The following KLHL15 variants were observed in gnomAD, a reference collection of about 807,000 sequenced individuals.
KLHL15 encodes the protein kelch-like protein 15.
Under a neutral mutation model 29.3 loss-of-function variants are expected in KLHL15, and 1 was observed. The ratio of observed to expected loss-of-function variants is 0.03; its 90% confidence interval spans 0.01 to 0.16. The LOEUF (loss-of-function observed/expected upper bound fraction) is 0.16. KLHL15 is among the 10% of genes least tolerant of loss of function. The probability of loss-of-function intolerance (pLI) is 1.00; values close to 1 mark genes in which losing one functional copy is unlikely to be tolerated. For missense variants in KLHL15, 215 were observed against 478.5 expected (o/e 0.45, Z 5.14); for synonymous variants, 212 against 184.5 (o/e 1.15, Z -1.21).
In KLHL15 at chrX:24,027,173, G is replaced by A. The variant is rs1237221012; in HGVS notation, c.-243C>T. The A allele has an allele frequency of 1.8e-5, 2 of 111,841 alleles. No individual in the cohort carries two copies. Among genetic ancestry groups the A allele is most frequent in the African/African-American group, 6.5e-5 (2 of 30,728 alleles). The allele number at this position is 111,841 out of a possible 1,213,427, so 9.2% of individuals were successfully genotyped here. On this transcript the variant is annotated 5_prime_UTR_variant, in exon 1 of 4. Transcript: ENST00000328046. ...AGAGAGGCTTCTGTTCTTGATTCAAGCAAGAGTTGAAACGTTTCTGCGCTC... is the reference window on the plus strand; with the variant it reads ...AGAGAGGCTTCTGTTCTTGATTCAAACAAGAGTTGAAACGTTTCTGCGCTC...
chrX:23,999,211 G>A (rs1006377244), intron 3 of KLHL15, among the ~76,000 whole-genome samples: 3 of 110,348 alleles, frequency 2.7e-5, no homozygotes, highest in Admixed American at 9.7e-5. Context: ...GCTTGGCCAC[G>A]GTTTTCTCCT....
At chrX:24,021,745 TCTGC>T (rs1929809160) in intron 2 of KLHL15, among the ~76,000 whole-genome samples, 1 of 110,641 alleles carries the variant, frequency 9.0e-6, no homozygotes, top group Non-Finnish European at 1.9e-5. Context: ...GAAGTTGGGG[TCTGC>T]CTGACTTCAT....
At chrX:24,026,734 T>C (rs2147114932) in intron 1 of KLHL15, among the ~76,000 whole-genome samples, 1 of 111,901 alleles carries the variant, frequency 8.9e-6, no homozygotes, top group African/African-American at 3.2e-5. Context: ...TGAAGTAGAC[T>C]ACTTCGTGGG....
At chrX:24,026,804 A>G (rs1347381356) in intron 1 of KLHL15, among the ~76,000 whole-genome samples, 2 of 111,852 alleles carry the variant, frequency 1.8e-5, no homozygotes, top group Admixed American at 9.5e-5. Flanking sequence ...GATTTAAACT[A>G]TAACAAGCTT....
intron 3 of KLHL15, among the ~76,000 whole-genome samples, chrX:23,992,111 G>A (rs1188885883): frequency 1.8e-5 from 2 of 111,901 alleles, no homozygotes; most frequent in Admixed American, 9.5e-5. Context: ...TGGTAATTAA[G>A]CACCATGTCT....
chrX:24,020,358 G>C (rs964304827), intron 2 of KLHL15, among the ~76,000 whole-genome samples: 1 of 112,096 alleles, frequency 8.9e-6, no homozygotes, highest in African/African-American at 3.2e-5. Flanking sequence ...TACTCAAATT[G>C]AAAACTCACT....
At chrX:24,007,608 A>G (rs73197328) in intron 2 of KLHL15, among the ~76,000 whole-genome samples, 12,505 of 105,320 alleles carry the variant, frequency 0.12, 956 homozygotes, top group African/African-American at 0.28. Flanking sequence ...TTCATCAAAT[A>G]TACTTTGAAC....
chrX:23,999,527 G>A (rs1929265616), intron 3 of KLHL15, among the ~76,000 whole-genome samples: 1 of 103,784 alleles, frequency 9.6e-6, no homozygotes, highest in African/African-American at 3.7e-5. Flanking sequence ...CCTGGGAGGC[G>A]GAGCTTGCAG....
rs745532686 is a variant in KLHL15, at chrX:24,001,873, C to T, written c.705+4116G>A. Among the ~76,000 whole-genome samples the T allele has an allele frequency of 1.3e-3, 133 of 106,249 alleles. 2 individuals carry two copies. The highest frequency in any genetic ancestry group is 4.4e-3 in the African/African-American group (128 of 29,179). The allele number at this position is 106,249 out of a possible 115,157, so 92.3% of individuals were successfully genotyped here. A position where few individuals can be genotyped will look rare whatever the true frequency, so the allele number is the denominator to read the frequency against. ...TATAGGTCGGGCGCGGTGGCTCACG[C>T]CTGTAATCCCAGCACTTTGGGAGGC... On this transcript the variant is annotated intron_variant, in intron 3 of 3. Transcript: ENST00000328046.
rs190182405 is a variant in KLHL15 at position 24,021,244 on chromosome X, C to T, written c.-8+3613G>A. On this transcript the variant is annotated intron_variant, in intron 2 of 3. Transcript: ENST00000328046. ...CTTATATTACTATCTCCCTTGGTGC[C>T]GCTGTTCCTTGAAAACCAGCTACAC... Among the ~76,000 whole-genome samples the T allele has an allele frequency of 4.5e-5, 5 of 111,139 alleles. No homozygotes were observed. The East Asian group carries it at 1.1e-3, about 25-fold the overall frequency.
At chrX:24,008,992 A>C (rs1361572393) in intron 2 of KLHL15, among the ~76,000 whole-genome samples, 1 of 111,584 alleles carries the variant, frequency 9.0e-6, no homozygotes, top group Non-Finnish European at 1.9e-5. Flanking sequence ...TCAGATAAAA[A>C]TCCATCTTCT....
chrX:24,022,198 G>A (rs1348195764), intron 2 of KLHL15, among the ~76,000 whole-genome samples: 4 of 108,765 alleles, frequency 3.7e-5, no homozygotes, highest in African/African-American at 1.3e-4. Flanking sequence ...AGTCAAGCAT[G>A]CTGACGCGCA....
In KLHL15 at chrX:23,986,730, CATT is replaced by C. The variant is rs1397086885; in HGVS notation, c.*1188_*1190del. ...ATAAACAAGTAGATAAAACCAGTAACATTATAATTCTATTTCTTACCTCTAAGT... is the reference window on the plus strand; with the variant it reads ...ATAAACAAGTAGATAAAACCAGTAACATAATTCTATTTCTTACCTCTAAGT... On this transcript the variant is annotated 3_prime_UTR_variant, in exon 4 of 4. Coordinates refer to ENST00000328046, the MANE Select transcript of KLHL15 (RefSeq NM_030624.3). 1 of 112,050 alleles carries C rather than the reference CATT, an allele frequency of 8.9e-6. No homozygotes were observed. Among genetic ancestry groups the C allele is most frequent in the African/African-American group, 3.2e-5 (1 of 30,877 alleles). The allele number at this position is 112,050 out of a possible 1,213,427, so 9.2% of individuals were successfully genotyped here. A position where few individuals can be genotyped will look rare whatever the true frequency, so the allele number is the denominator to read the frequency against.
Position 24,003,327 on chromosome X carries a change from C to T in KLHL15, c.705+2662G>A, listed in dbSNP as rs1485347523. On this transcript the variant is annotated intron_variant, in intron 3 of 3. Transcript: ENST00000328046. ...TTGGGAGGCCGAGGCAGGCGGATCA[C>T]GAGGTCAGGAGATCAAGACCATCCT... 3.7e-5 allele frequency among the ~76,000 whole-genome samples: 4 copies of T among 109,061 alleles called. 1 individual carries two copies. In the East Asian group the frequency reaches 1.1e-3, roughly 31 times the overall value. 94.7% of individuals were successfully genotyped at this position (109,061 alleles called of 115,157 possible). A position where few individuals can be genotyped will look rare whatever the true frequency, so the allele number is the denominator to read the frequency against.
chrX:23,995,653 G>A (rs1455134705), intron 3 of KLHL15, among the ~76,000 whole-genome samples: 4 of 110,906 alleles, frequency 3.6e-5, no homozygotes, highest in South Asian at 3.8e-4. Flanking sequence ...TCTTGAACTC[G>A]TGACATCATG....
chrX:24,023,903 T>G (rs760204264), intron 2 of KLHL15, among the ~76,000 whole-genome samples: 72 of 112,441 alleles, frequency 6.4e-4, no homozygotes, highest in African/African-American at 2.2e-3. Flanking sequence ...TTCAAATTAG[T>G]AGAAGTATTC....
In KLHL15 at chrX:23,986,480, T is replaced by C. The variant is rs1394345297; in HGVS notation, c.*1441A>G. On this transcript the variant is annotated 3_prime_UTR_variant, in exon 4 of 4. Coordinates refer to ENST00000328046, the MANE Select transcript of KLHL15 (RefSeq NM_030624.3). Reference sequence around the variant, plus strand: ...AATGGCATCAATTTCAATGATCCACTCCCAGGTTATTCTTGCTTAACTTTG... The same window carrying C: ...AATGGCATCAATTTCAATGATCCACCCCCAGGTTATTCTTGCTTAACTTTG... The C allele has an allele frequency of 8.9e-6, 1 of 112,098 alleles. No individual in the cohort carries two copies. Among genetic ancestry groups the C allele is most frequent in the African/African-American group, 3.2e-5 (1 of 30,914 alleles). The allele number at this position is 112,098 out of a possible 1,213,427, so 9.2% of individuals were successfully genotyped here.
At chrX:24,025,766 C>G (rs1373774600) in intron 1 of KLHL15, among the ~76,000 whole-genome samples, 3 of 109,814 alleles carry the variant, frequency 2.7e-5, no homozygotes, top group South Asian at 3.8e-4. Context: ...CGCGGCGCCC[C>G]GCGTCCCGGC....
chrX:24,023,695 G>T (rs1929859755), intron 2 of KLHL15, among the ~76,000 whole-genome samples: 1 of 111,963 alleles, frequency 8.9e-6, no homozygotes, highest in African/African-American at 3.2e-5. Context: ...AAATTAATCA[G>T]CAATGAAGAG....
Sources: allele counts gnomAD v4.1 joint callset (sites outside exome capture counted in the v4.1 genomes callset), GRCh38; gene constraint gnomAD v4.1.1; transcripts MANE v1.5; gene names NCBI Gene and HGNC (gene_info 2026-07-23, HGNC 2026-07-21).